The following ST6GALNAC3 variants were observed in gnomAD, a reference collection of about 807,000 sequenced individuals.
ST6GALNAC3 encodes ST6 N-acetylgalactosaminide alpha-2,6-sialyltransferase 3.
Under a neutral mutation model 32.7 loss-of-function variants are expected in ST6GALNAC3, and 25 were observed. The observed-to-expected ratio is 0.76, with a 90% CI of 0.56 to 1.07. ST6GALNAC3 has a LOEUF of 1.07. ST6GALNAC3 is among the 50% of genes least tolerant of loss of function. ST6GALNAC3 has a pLI of 0.00. For synonymous variants in ST6GALNAC3, 129 were observed against 133.1 expected, an observed-to-expected ratio of 0.97 and a Z score of 0.21; for missense variants, 355 against 382.4, an observed-to-expected ratio of 0.93 and a Z score of 0.60.
intron 3 of ST6GALNAC3, among the ~76,000 whole-genome samples, chr1:76,422,731 A>G (rs973141295): frequency 2.6e-5 from 4 of 152,046 alleles, no homozygotes; most frequent in Non-Finnish European, 5.9e-5. Context: ...AACTACCGTG[A>G]TAAAGAATTC....
At chr1:76,210,160 C>G (rs1655065869) in intron 1 of ST6GALNAC3, among the ~76,000 whole-genome samples, 1 of 152,056 alleles carries the variant, frequency 6.6e-6, no homozygotes. Context: ...ATTTGCTGCA[C>G]CTATCAACCC....
intron 1 of ST6GALNAC3, among the ~76,000 whole-genome samples, chr1:76,085,766 T>C (rs1482210250): frequency 6.6e-6 from 1 of 152,168 alleles, no homozygotes; most frequent in East Asian, 1.9e-4. Flanking sequence ...ACCTACCATA[T>C]GACATCCAGC....
intron 2 of ST6GALNAC3, among the ~76,000 whole-genome samples, chr1:76,399,254 C>G (rs1283919963): frequency 6.6e-6 from 1 of 152,006 alleles, no homozygotes; most frequent in African/African-American, 2.4e-5. Flanking sequence ...AAAATGTTTC[C>G]TACCTGATGG....
At chr1:76,494,743 G>GCACACA (rs34912507) in intron 3 of ST6GALNAC3, among the ~76,000 whole-genome samples, 5,530 of 130,260 alleles carry the variant, frequency 0.042, 416 homozygotes, top group African/African-American at 0.14. Context: ...TCATGTGTAT[G>GCACACA]CACACACACA....
chr1:76,234,551 A>G (rs538785182), intron 1 of ST6GALNAC3, among the ~76,000 whole-genome samples: 50 of 152,348 alleles, frequency 3.3e-4, no homozygotes, highest in African/African-American at 1.2e-3. Context: ...CTTATGTGCT[A>G]TATATCTTCA....
intron 1 of ST6GALNAC3, among the ~76,000 whole-genome samples, chr1:76,146,586 T>A (rs1225383375): frequency 6.6e-6 from 1 of 152,132 alleles, no homozygotes; most frequent in Non-Finnish European, 1.5e-5. Flanking sequence ...TTCTTTTCTC[T>A]CTCCCAAATC....
chr1:76,258,764 G>A (rs1419173113), intron 1 of ST6GALNAC3, among the ~76,000 whole-genome samples: 1 of 152,174 alleles, frequency 6.6e-6, no homozygotes, highest in Non-Finnish European at 1.5e-5. Flanking sequence ...CTGGCAATAA[G>A]AAAGCACAGT....
intron 3 of ST6GALNAC3, among the ~76,000 whole-genome samples, chr1:76,457,083 T>G (rs1473653829): frequency 1.5e-3 from 212 of 144,712 alleles, no homozygotes; most frequent in South Asian, 3.4e-3. Context: ...AGCCAAATCA[T>G]GAGTGAACTC....
intron 1 of ST6GALNAC3, among the ~76,000 whole-genome samples, chr1:76,097,791 ATGT>A (rs1461731946): frequency 6.6e-6 from 1 of 152,108 alleles, no homozygotes; most frequent in Non-Finnish European, 1.5e-5. Context: ...ATAAATACTG[ATGT>A]TGTGAACATT....
At chr1:76,404,350 C>G (rs1653660759) in intron 2 of ST6GALNAC3, among the ~76,000 whole-genome samples, 2 of 152,210 alleles carry the variant, frequency 1.3e-5, no homozygotes, top group South Asian at 4.1e-4. Context: ...GTTGATTTCT[C>G]TGCAGAACAG....
intron 1 of ST6GALNAC3, among the ~76,000 whole-genome samples, chr1:76,293,770 GT>G (rs1281964276): frequency 1.3e-5 from 2 of 152,124 alleles, no homozygotes; most frequent in African/African-American, 4.8e-5. Flanking sequence ...AAGATCTTCA[GT>G]AAAATTCCTT....
Position 76,616,173 on chromosome 1 carries a change from G to A in ST6GALNAC3, c.624-11279G>A, listed in dbSNP as rs573427521. On this transcript the variant is annotated intron_variant, in intron 3 of 4. Coordinates refer to ENST00000328299, the MANE Select transcript of ST6GALNAC3 (RefSeq NM_152996.4). ...AGCCGAACTGTGTAGCAACACTATG[G>A]AAAAGACCCCAACCACTTCCACAAA... 3.7e-4 allele frequency among the ~76,000 whole-genome samples: 56 copies of A among 152,242 alleles called. No homozygotes were observed. The South Asian group carries it at 0.011, about 29-fold the overall frequency.
intron 3 of ST6GALNAC3, among the ~76,000 whole-genome samples, chr1:76,549,027 A>G (rs1258894721): frequency 6.6e-6 from 1 of 152,252 alleles, no homozygotes; most frequent in Non-Finnish European, 1.5e-5. Flanking sequence ...AAGTTATCAC[A>G]CAATCACAAC....
intron 3 of ST6GALNAC3, among the ~76,000 whole-genome samples, chr1:76,476,634 C>CTG (rs1334189975): frequency 6.6e-6 from 1 of 152,140 alleles, no homozygotes; most frequent in Non-Finnish European, 1.5e-5. Flanking sequence ...GGGGACCATT[C>CTG]AGCACATTAG....
At chr1:76,418,303 G>A in intron 3 of ST6GALNAC3, among the ~76,000 whole-genome samples, 1 of 152,068 alleles carries the variant, frequency 6.6e-6, no homozygotes, top group South Asian at 2.1e-4. Flanking sequence ...CTTCTTCCTT[G>A]AAAATTTGGG....
At chr1:76,105,592 C>G (rs1647469163) in intron 1 of ST6GALNAC3, among the ~76,000 whole-genome samples, 2 of 152,184 alleles carry the variant, frequency 1.3e-5, no homozygotes, top group African/African-American at 4.8e-5. Context: ...CCTCATTTTG[C>G]TAGCTCATTT....
chr1:76,248,125 C>T (rs1657412850), intron 1 of ST6GALNAC3, among the ~76,000 whole-genome samples: 1 of 152,132 alleles, frequency 6.6e-6, no homozygotes, highest in Non-Finnish European at 1.5e-5. Context: ...TCTGCTCACT[C>T]TCTGTGGGTT....
intron 1 of ST6GALNAC3, among the ~76,000 whole-genome samples, chr1:76,261,774 C>T (rs1488223388): frequency 6.6e-6 from 1 of 152,142 alleles, no homozygotes; most frequent in Non-Finnish European, 1.5e-5. Context: ...GCCCTAACTC[C>T]CCTCTTTTGG....
At chr1:76,441,149 G>A (rs1656569638) in intron 3 of ST6GALNAC3, among the ~76,000 whole-genome samples, 1 of 150,434 alleles carries the variant, frequency 6.6e-6, no homozygotes, top group East Asian at 2.0e-4. Flanking sequence ...AAGGAAATGT[G>A]ATATAATATG....
Sources: gnomAD v4.1 joint callset for allele counts (sites outside exome capture counted in the v4.1 genomes callset) on GRCh38, gnomAD v4.1.1 for gene constraint, MANE v1.5 for transcripts, NCBI Gene and HGNC (gene_info 2026-07-23, HGNC 2026-07-21) for gene names.